The following RYR3 variants were observed in gnomAD, a reference collection of about 807,000 sequenced individuals.
RYR3 encodes ryanodine receptor 3, also known as brain ryanodine receptor-calcium release channel.
RYR3 carries 207 observed loss-of-function variants against 584.3 expected under a neutral mutation model. That is an observed-to-expected ratio of 0.35 (90% CI 0.32 to 0.40). RYR3 has a LOEUF of 0.40. Among genes scored for constraint, RYR3 ranks in the 10% least tolerant of loss-of-function variants. RYR3 has a pLI of 1.00. For missense variants in RYR3, 5,616 were observed against 6,089.2 expected (o/e 0.92, Z 2.59); for synonymous variants, 2,416 against 2,248.5 (o/e 1.07, Z -2.11).
chr15:33,756,281 C>T (rs1489661763), intron 58 of RYR3, 25 bp from the exon 59 acceptor site: 2 of 1,547,842 alleles, frequency 1.3e-6, no homozygotes, highest in Admixed American at 1.9e-5. Flanking sequence ...CTCTGGCCAA[C>T]TTTGTGTTAC....
At chr15:33,483,586 G>C (rs571845812) in intron 2 of RYR3, among the ~76,000 whole-genome samples, 1 of 152,258 alleles carries the variant, frequency 6.6e-6, no homozygotes, top group East Asian at 1.9e-4. Context: ...TTAATGAAAA[G>C]CCTGCAGTAT....
intron 43 of RYR3, among the ~76,000 whole-genome samples, chr15:33,710,608 C>T (rs1441227505): frequency 1.3e-5 from 2 of 152,136 alleles, no homozygotes; most frequent in African/African-American, 4.8e-5. Flanking sequence ...CTGTACTGCC[C>T]TAGTAGAGGT....
intron 1 of RYR3, among the ~76,000 whole-genome samples, chr15:33,432,018 T>C (rs1227373418): frequency 6.6e-6 from 1 of 152,194 alleles, no homozygotes; most frequent in Non-Finnish European, 1.5e-5. Context: ...AGTAAGTCAC[T>C]GGGTTACCCT....
At position 33,725,975 on chromosome 15, in the gene RYR3, C is replaced by CCG. The variant is rs1215864754; in HGVS notation, c.6913-410_6913-409insGC. Reference sequence around the variant, plus strand: ...ACAGAGCAAGACTCCATCCCCCCCCCCAAAAAAAAAAAAAAAAAAAAACAG... The same window carrying CCG: ...ACAGAGCAAGACTCCATCCCCCCCCCCGCAAAAAAAAAAAAAAAAAAAAACAG... On this transcript the variant is annotated intron_variant, in intron 45 of 103. Coordinates refer to ENST00000634891, the MANE Select transcript of RYR3 (RefSeq NM_001036.6). Among the ~76,000 whole-genome samples the CCG allele has an allele frequency of 9.9e-4, 10 of 10,052 alleles. 1 individual carries two copies. Among genetic ancestry groups the CCG allele is most frequent in the East Asian group, 0.026 (1 of 38 alleles). 6.6% of individuals were successfully genotyped at this position (10,052 alleles called of 152,430 possible). A position where few individuals can be genotyped will look rare whatever the true frequency, so the allele number is the denominator to read the frequency against.
At chr15:33,381,495 A>G (rs2041187880) in intron 1 of RYR3, among the ~76,000 whole-genome samples, 1 of 152,084 alleles carries the variant, frequency 6.6e-6, no homozygotes, top group Admixed American at 6.6e-5. Flanking sequence ...TCTGTCCTCC[A>G]CTATCCTCTG....
At chr15:33,465,749 T>C (rs751310021) in intron 1 of RYR3, 2 of 518,992 alleles carry the variant, frequency 3.9e-6, no homozygotes, top group Non-Finnish European at 7.7e-6. Flanking sequence ...AGCTAGGTGG[T>C]GGTGGTGAAG....
intron 1 of RYR3, among the ~76,000 whole-genome samples, chr15:33,314,702 C>T (rs1194157248): frequency 1.3e-5 from 2 of 152,118 alleles, no homozygotes; most frequent in African/African-American, 4.8e-5. Flanking sequence ...ATCACGAGGT[C>T]AGGAGATCGA....
At chr15:33,435,737 T>G (rs968956997) in intron 1 of RYR3, among the ~76,000 whole-genome samples, 2 of 152,114 alleles carry the variant, frequency 1.3e-5, no homozygotes, top group Admixed American at 1.3e-4. Context: ...TCTCACTGAC[T>G]TCAGAGATGA....
chr15:33,840,795 A>T (rs755790727), intron 89 of RYR3, 30 bp from the exon 90 acceptor site: 2 of 1,611,326 alleles, frequency 1.2e-6, no homozygotes, highest in East Asian at 4.5e-5. Context: ...TTCTTTGAGG[A>T]AAGCTTGACT....
Position 33,353,994 on chromosome 15 carries a change from C to T in RYR3, c.51+42898C>T, listed in dbSNP as rs143937087. ...AAGAGCAGATTGGACATTGATTTATCTGACGGCTGCCCAGAATCAAAGGAA... is the reference window on the plus strand; with the variant it reads ...AAGAGCAGATTGGACATTGATTTATTTGACGGCTGCCCAGAATCAAAGGAA... On this transcript the variant is annotated intron_variant, in intron 1 of 103. Transcript: ENST00000634891. Among the ~76,000 whole-genome samples, 157 of 152,342 alleles carry T rather than the reference C, an allele frequency of 1.0e-3. 1 individual carries two copies. The highest frequency in any genetic ancestry group is 9.2e-3 in the Admixed American group (141 of 15,310).
chr15:33,389,787 TTTTA>T (rs1216854223), intron 1 of RYR3, among the ~76,000 whole-genome samples: 1 of 152,174 alleles, frequency 6.6e-6, no homozygotes, highest in East Asian at 1.9e-4. Flanking sequence ...CTTTGCAAAC[TTTTA>T]TTTAATATCT....
chr15:33,436,198 C>A (rs1250913332), intron 1 of RYR3, among the ~76,000 whole-genome samples: 1 of 152,152 alleles, frequency 6.6e-6, no homozygotes, highest in Non-Finnish European at 1.5e-5. Flanking sequence ...TATGAACCCT[C>A]CTTGTGCAAT....
At chr15:33,805,049 A>G (rs867843168) in intron 69 of RYR3, among the ~76,000 whole-genome samples, 12 of 152,254 alleles carry the variant, frequency 7.9e-5, no homozygotes, top group Admixed American at 6.5e-4. Flanking sequence ...TTTGCTTGTG[A>G]GAGCTCATTG....
Position 33,848,152 on chromosome 15 carries a change from C to G in RYR3, c.13498-139C>G. On this transcript the variant is annotated intron_variant, in intron 93 of 103. Coordinates refer to ENST00000634891, the MANE Select transcript of RYR3 (RefSeq NM_001036.6). ...AAAGAGATTCATTTGGCTTTGATCC[C>G]ACAACTAGGCACTCTAAGAATTCCA... The G allele has an allele frequency of 4.7e-6, 5 of 1,053,386 alleles. No individual in the cohort carries two copies. In the Middle Eastern group the frequency reaches 9.2e-4, roughly 194 times the overall value. 65.3% of individuals were successfully genotyped at this position (1,053,386 alleles called of 1,614,324 possible). A position where few individuals can be genotyped will look rare whatever the true frequency, so the allele number is the denominator to read the frequency against.
At chr15:33,559,191 T>C (rs1751786918) in intron 10 of RYR3, among the ~76,000 whole-genome samples, 1 of 152,112 alleles carries the variant, frequency 6.6e-6, no homozygotes, top group African/African-American at 2.4e-5. Context: ...TTTTAGGAAT[T>C]GGCTAGCCCT....
chr15:33,467,392 C>A, intron 1 of RYR3: 1 of 612,976 alleles, frequency 1.6e-6, no homozygotes, highest in Non-Finnish European at 2.0e-6. Context: ...TCACAGGTGA[C>A]CCGTAGAGAA....
intron 15 of RYR3, 59 bp from the exon 16 acceptor site, chr15:33,585,939 T>G: frequency 1.0e-6 from 1 of 958,552 alleles, no homozygotes; most frequent in Non-Finnish European, 1.7e-6. Flanking sequence ...GTTTCTAAAT[T>G]GTGGTCACTT....
At chr15:33,750,735 TA>T (rs1028152248) in intron 57 of RYR3, among the ~76,000 whole-genome samples, 7 of 152,180 alleles carry the variant, frequency 4.6e-5, no homozygotes, top group Non-Finnish European at 7.4e-5. Flanking sequence ...GATATTTTTT[TA>T]TTATTATTTA....
At chr15:33,621,991 C>T (rs952198222) in intron 19 of RYR3, among the ~76,000 whole-genome samples, 1 of 152,140 alleles carries the variant, frequency 6.6e-6, no homozygotes, top group African/African-American at 2.4e-5. Context: ...CACATACACT[C>T]AGTCCATGAG....
Sources: gnomAD v4.1 joint callset for allele counts (sites outside exome capture counted in the v4.1 genomes callset) on GRCh38, gnomAD v4.1.1 for gene constraint, MANE v1.5 for transcripts, NCBI Gene and HGNC (gene_info 2026-07-23, HGNC 2026-07-21) for gene names.